Variants in ABLIM2 observed in about 807,000 individuals in gnomAD.
ABLIM2 encodes the protein actin binding LIM protein family member 2.
A neutral mutation model predicts 97.7 loss-of-function variants in ABLIM2; 53 were observed. That is an observed-to-expected ratio of 0.54 (90% CI 0.44 to 0.68). The LOEUF (loss-of-function observed/expected upper bound fraction) is 0.68. ABLIM2 is among the 30% of genes least tolerant of loss of function. The pLI, the probability that ABLIM2 is intolerant of heterozygous loss-of-function variation, is 0.00. For synonymous variants in ABLIM2, 361 were observed against 345.8 expected (o/e 1.04, Z -0.49); for missense variants, 835 against 867.2 (o/e 0.96, Z 0.47).
chr4:8,072,429 T>C lies in ABLIM2; in HGVS notation c.675+5199A>G, dbSNP rs1168163327. 4.6e-5 allele frequency among the ~76,000 whole-genome samples: 7 copies of C among 152,176 alleles called. No individual in the cohort carries two copies. The highest frequency in any genetic ancestry group is 1.0e-4 in the Non-Finnish European group (7 of 68,036). On this transcript the variant is annotated intron_variant, in intron 6 of 20. Transcript: ENST00000447017. The surrounding 1 kb of genome is among the most constrained non-coding windows in gnomAD (Gnocchi z 5.8). ...GCCCCCGACCCCAGGCCAGGGCCTC[T>C]CTGGTGTGGGGGCTGCTGCCCATGG...
At chr4:8,114,873 G>T (rs909859650) in intron 1 of ABLIM2, among the ~76,000 whole-genome samples, 2 of 152,220 alleles carry the variant, frequency 1.3e-5, no homozygotes, top group African/African-American at 4.8e-5. Flanking sequence ...CCAGTGCTGT[G>T]GGACCCCAGG....
chr4:8,027,731 C>T, intron 12 of ABLIM2, 28 bp downstream of exon 12: 7 of 1,514,784 alleles, frequency 4.6e-6, no homozygotes, highest in African/African-American at 2.8e-5. Flanking sequence ...CCATGAGCAC[C>T]CACAGCCCAC....
Position 8,127,266 on chromosome 4 carries a change from C to T in ABLIM2, c.11-20629G>A, listed in dbSNP as rs1300695505. The stretch of plus-strand genomic sequence containing the variant: ...GCACCGTGTGAGGTTGGATCAGACT[C>T]TTCCCGTCCCCAGCCTTAGCTGACC... On this transcript the variant is annotated intron_variant, in intron 1 of 20. Coordinates refer to ENST00000447017, the MANE Select transcript of ABLIM2 (RefSeq NM_001130083.2). The surrounding 1 kb of genome is among the most constrained non-coding windows in gnomAD (Gnocchi z 7.3). Among the ~76,000 whole-genome samples the T allele has an allele frequency of 2.0e-5, 3 of 152,232 alleles. No individual in the cohort carries two copies. The highest frequency in any genetic ancestry group is 7.2e-5 in the African/African-American group (3 of 41,466).
At chr4:8,092,217 C>T (rs1171405377) in intron 3 of ABLIM2, among the ~76,000 whole-genome samples, 3 of 151,748 alleles carry the variant, frequency 2.0e-5, no homozygotes, top group South Asian at 2.1e-4. Flanking sequence ...GGGCTGGTCT[C>T]GAACTCCTGA....
At chr4:8,034,493 G>GGTA (rs1560805664) in intron 10 of ABLIM2, among the ~76,000 whole-genome samples, 18 of 83,206 alleles carry the variant, frequency 2.2e-4, no homozygotes, top group East Asian at 3.7e-4. Context: ...GGTGCAGGTG[G>GGTA]GTGGGTGGTA....
At chr4:7,994,842 A>C (rs1433144773) in intron 16 of ABLIM2, among the ~76,000 whole-genome samples, 1 of 118,422 alleles carries the variant, frequency 8.4e-6, no homozygotes, top group Non-Finnish European at 2.1e-5. Context: ...AATTAAACTA[A>C]AGAGCTTCTG....
rs73216465 is a variant in ABLIM2 at position 8,052,921 on chromosome 4, G to A, written c.822+1267C>T. ...GAGGTCTACGGGATACCCCACATTC[G>A]AGAGTAAGTGGGAGGCCAGGGGTTG... is the stretch of plus-strand genomic sequence containing the variant. On this transcript the variant is annotated intron_variant, in intron 8 of 20. Coordinates refer to ENST00000447017, the MANE Select transcript of ABLIM2 (RefSeq NM_001130083.2). Among the ~76,000 whole-genome samples the A allele has an allele frequency of 1.2e-3, 187 of 152,316 alleles. 1 individual carries two copies. Among genetic ancestry groups the A allele is most frequent in the Admixed American group, 2.4e-3 (37 of 15,308 alleles).
At chr4:8,079,527 C>A (rs1228721874) in intron 5 of ABLIM2, among the ~76,000 whole-genome samples, 1 of 152,208 alleles carries the variant, frequency 6.6e-6, no homozygotes, top group Non-Finnish European at 1.5e-5. Flanking sequence ...TGGGTGCAAG[C>A]TCACCTTGGT....
intron 9 of ABLIM2, among the ~76,000 whole-genome samples, chr4:8,041,591 C>A (rs1788579723): frequency 6.6e-6 from 1 of 150,648 alleles, no homozygotes; most frequent in Admixed American, 6.6e-5. Context: ...CTTGCAAATG[C>A]CAGTTTGTTT....
In ABLIM2 at chr4:8,083,351, TG is replaced by T. The variant is rs1429599667; in HGVS notation, c.455-2550del. On this transcript the variant is annotated intron_variant, in intron 4 of 20. Transcript: ENST00000447017. The surrounding 1 kb of genome is among the most constrained non-coding windows in gnomAD (Gnocchi z 4.6). ...AATGCACACACGTTGACCGGTGAGG[TG>T]GGCCCACCTCTGCTCTCACTGCCAC... is the stretch of plus-strand genomic sequence containing the variant. Among the ~76,000 whole-genome samples the T allele has an allele frequency of 4.6e-5, 7 of 152,122 alleles. No individual in the cohort carries two copies. Among genetic ancestry groups the T allele is most frequent in the Non-Finnish European group, 1.5e-5 (1 of 68,014 alleles).
intron 12 of ABLIM2, among the ~76,000 whole-genome samples, chr4:8,024,539 G>A (rs1776117857): frequency 6.6e-6 from 1 of 152,190 alleles, no homozygotes; most frequent in Non-Finnish European, 1.5e-5. Flanking sequence ...CTTTCCCAGA[G>A]GGCAGGCGAC....
At chr4:8,051,938 C>A (rs1029931341) in intron 8 of ABLIM2, among the ~76,000 whole-genome samples, 1 of 152,212 alleles carries the variant, frequency 6.6e-6, no homozygotes, top group African/African-American at 2.4e-5. Context: ...CCACCTCGAG[C>A]CCGTGTATAT....
At position 7,984,862 on chromosome 4, in the gene ABLIM2, G is replaced by T; in HGVS notation, c.1712C>A (p.Pro571Gln). The T allele has an allele frequency of 6.2e-7, 1 of 1,607,968 alleles. No homozygotes were observed. Among genetic ancestry groups the T allele is most frequent in the East Asian group, 2.2e-5 (1 of 44,700 alleles). Residue 571 changes from proline (P) to glutamine (Q), a missense_variant, in exon 18 of 21, where the codon CCG becomes CAG. By Grantham distance (76) the Pro-to-Gln change is moderately conservative. Coordinates refer to ENST00000447017, the MANE Select transcript of ABLIM2 (RefSeq NM_001130083.2). ...NANLAPCGAD[P>Q]DASWGMREYK... is the part of the protein sequence containing the mutation. The stretch of plus-strand genomic sequence containing the variant: ...ACCTCGCATGCCCCAGCTGGCATCC[G>T]GGTCTGCTCCACAGGGGGCCAGATT...
At position 7,966,941 on chromosome 4, in the gene ABLIM2, C is replaced by T. The variant is rs370014156; in HGVS notation, c.*49G>A. On this transcript the variant is annotated 3_prime_UTR_variant, in exon 21 of 21. Transcript: ENST00000447017. Reference sequence around the variant, plus strand: ...GGGTGTGTGCGGTTCTCGCCAGGGGCCCCTGGCCTCGGCGCCCGGCACACA... The same window carrying T: ...GGGTGTGTGCGGTTCTCGCCAGGGGTCCCTGGCCTCGGCGCCCGGCACACA... 16 of 1,209,292 alleles carry T rather than the reference C, an allele frequency of 1.3e-5. No homozygotes were observed. The African/African-American group carries it at 1.7e-4, about 13-fold the overall frequency. 74.9% of individuals were successfully genotyped at this position (1,209,292 alleles called of 1,614,324 possible).
chr4:8,059,906 CAAAAAA>C (rs201148410), intron 7 of ABLIM2, among the ~76,000 whole-genome samples: 3 of 124,118 alleles, frequency 2.4e-5, no homozygotes, highest in Admixed American at 1.7e-4. Flanking sequence ...GACTCTGTTT[CAAAAAA>C]AAAAAAAAAA....
Position 8,137,945 on chromosome 4 carries a change from C to T in ABLIM2, c.10+20735G>A, listed in dbSNP as rs542369733. Among the ~76,000 whole-genome samples, 53 of 152,330 alleles carry T rather than the reference C, an allele frequency of 3.5e-4. 1 individual carries two copies. Among genetic ancestry groups the T allele is most frequent in the African/African-American group, 1.3e-3 (52 of 41,566 alleles). ...GCCCTCCGGCAAATGAACTGATAAACAAAATGTGGCCCAGCCATTCAGTGG... is the reference window on the plus strand; with the variant it reads ...GCCCTCCGGCAAATGAACTGATAAATAAAATGTGGCCCAGCCATTCAGTGG... On this transcript the variant is annotated intron_variant, in intron 1 of 20. Transcript: ENST00000447017.
rs533650959 is a variant in ABLIM2, at chr4:7,998,908, T to C, written c.1619-5981A>G. ...ATTTGCAGGTCCGTTTAGCTGTATGTAGCAGAGAAGAGCAGAGAGAGACGA... is the reference window on the plus strand; with the variant it reads ...ATTTGCAGGTCCGTTTAGCTGTATGCAGCAGAGAAGAGCAGAGAGAGACGA... On this transcript the variant is annotated intron_variant, in intron 16 of 20. Transcript: ENST00000447017. This position sits in a 1 kb window ranked among gnomAD's most constrained non-coding sequence, Gnocchi z 6.4. Among the ~76,000 whole-genome samples, 5 of 152,164 alleles carry C rather than the reference T, an allele frequency of 3.3e-5. No homozygotes were observed. Among genetic ancestry groups the C allele is most frequent in the Non-Finnish European group, 5.9e-5 (4 of 68,014 alleles).
intron 1 of ABLIM2, among the ~76,000 whole-genome samples, chr4:8,117,450 G>C (rs1843268226): frequency 6.6e-6 from 1 of 150,932 alleles, no homozygotes; most frequent in African/African-American, 2.4e-5. Context: ...ACCCACTGCA[G>C]ACTCCACCTA....
At chr4:8,146,236 A>G (rs73077906) in intron 1 of ABLIM2, among the ~76,000 whole-genome samples, 1 of 152,356 alleles carries the variant, frequency 6.6e-6, no homozygotes, top group African/African-American at 2.4e-5. Context: ...TCAGGACCTC[A>G]CACAGGGTTT....
Sources: allele counts gnomAD v4.1 joint callset (sites outside exome capture counted in the v4.1 genomes callset), GRCh38; gene constraint gnomAD v4.1.1; non-coding constraint Gnocchi (gnomAD v3.1); transcripts MANE v1.5; gene names NCBI Gene and HGNC (gene_info 2026-07-23, HGNC 2026-07-21).